The following RBMS3 variants were observed in gnomAD, a reference collection of about 807,000 sequenced individuals.
The protein encoded by RBMS3 is RNA binding motif single stranded interacting protein 3.
RBMS3 carries 27 observed loss-of-function variants against 66.8 expected under a neutral mutation model. The ratio of observed to expected loss-of-function variants is 0.40; its 90% CI spans 0.30 to 0.56. RBMS3 has a LOEUF of 0.56. Ranked by LOEUF, RBMS3 falls within the 20% of genes least tolerant of loss-of-function variation. The probability of loss-of-function intolerance (pLI) is 0.40; values close to 1 mark genes in which losing one functional copy is unlikely to be tolerated. For missense variants in RBMS3, 513 were observed against 549.5 expected (o/e 0.93, Z 0.66); for synonymous variants, 188 against 183.0 (o/e 1.03, Z -0.22).
At chr3:29,898,404 T>G (rs1445413185) in intron 9 of RBMS3, among the ~76,000 whole-genome samples, 4 of 151,638 alleles carry the variant, frequency 2.6e-5, no homozygotes. Context: ...TGAGTAAAAC[T>G]GTAATGATAC....
chr3:29,467,348 A>C (rs552260803), intron 2 of RBMS3, among the ~76,000 whole-genome samples: 28 of 152,308 alleles, frequency 1.8e-4, no homozygotes, highest in Non-Finnish European at 3.5e-4. Context: ...TTGACTCTTA[A>C]CACAAAATTA....
At chr3:29,399,560 G>T (rs1051316223) in intron 1 of RBMS3, among the ~76,000 whole-genome samples, 1 of 152,156 alleles carries the variant, frequency 6.6e-6, no homozygotes, top group Non-Finnish European at 1.5e-5. Flanking sequence ...TTGGCCTCAT[G>T]GTCTCAAAAT....
At chr3:29,376,973 C>T (rs1317059000) in intron 1 of RBMS3, among the ~76,000 whole-genome samples, 2 of 151,950 alleles carry the variant, frequency 1.3e-5, no homozygotes, top group Admixed American at 6.6e-5. Context: ...CCTGTAATCC[C>T]AGCTACTCAG....
chr3:29,501,532 C>G (rs2043973828), intron 3 of RBMS3, among the ~76,000 whole-genome samples: 1 of 152,136 alleles, frequency 6.6e-6, no homozygotes, highest in Admixed American at 6.6e-5. Context: ...GTTAATTTAT[C>G]CGTTTTAGGA....
chr3:29,450,518 T>G (rs778594479), intron 2 of RBMS3, among the ~76,000 whole-genome samples: 7 of 152,222 alleles, frequency 4.6e-5, no homozygotes, highest in Non-Finnish European at 8.8e-5. Context: ...AAGCACACCA[T>G]TAAGTTTTAC....
At chr3:29,744,614 G>A (rs1005263056) in intron 5 of RBMS3, among the ~76,000 whole-genome samples, 5 of 151,992 alleles carry the variant, frequency 3.3e-5, no homozygotes, top group African/African-American at 4.8e-5. Flanking sequence ...AAACCTCATC[G>A]CTACTAAAAA....
At chr3:29,544,251 G>T (rs1414301493) in intron 3 of RBMS3, among the ~76,000 whole-genome samples, 13 of 152,058 alleles carry the variant, frequency 8.5e-5, no homozygotes, top group Non-Finnish European at 1.9e-4. Flanking sequence ...AATGAATAAA[G>T]TAATAGAAAG....
intron 6 of RBMS3, among the ~76,000 whole-genome samples, chr3:29,793,356 C>T (rs9827707): frequency 0.32 from 47,958 of 151,192 alleles, 8,366 homozygotes; most frequent in African/African-American, 0.47. Flanking sequence ...ATTTTTTTTT[C>T]CACTTCTGTA....
At chr3:29,693,031 A>G (rs1486102612) in intron 4 of RBMS3, among the ~76,000 whole-genome samples, 1 of 152,172 alleles carries the variant, frequency 6.6e-6, no homozygotes, top group African/African-American at 2.4e-5. Context: ...AGAAACATAC[A>G]CTGTAACTTA....
chr3:29,507,446 T>C (rs943813565), intron 3 of RBMS3, among the ~76,000 whole-genome samples: 1 of 152,076 alleles, frequency 6.6e-6, no homozygotes, highest in Non-Finnish European at 1.5e-5. Context: ...GGAAAAATTG[T>C]TAAGACTCTG....
At chr3:29,898,709 C>T (rs1166612058) in intron 9 of RBMS3, among the ~76,000 whole-genome samples, 2 of 149,902 alleles carry the variant, frequency 1.3e-5, no homozygotes, top group African/African-American at 4.9e-5. Flanking sequence ...TTTTGTTCTT[C>T]CTGCAGGCCT....
At chr3:29,457,938 T>A (rs1052220790) in intron 2 of RBMS3, among the ~76,000 whole-genome samples, 1 of 150,546 alleles carries the variant, frequency 6.6e-6, no homozygotes, top group Non-Finnish European at 1.5e-5. Flanking sequence ...TAGAGCTTTT[T>A]ATCTTCCCCA....
intron 6 of RBMS3, among the ~76,000 whole-genome samples, chr3:29,775,767 G>T (rs2149402036): frequency 6.6e-6 from 1 of 152,006 alleles, no homozygotes; most frequent in Admixed American, 6.6e-5. Flanking sequence ...TAATAAAAAT[G>T]ATAATAATAT....
chr3:29,915,780 C>G (rs932160886), intron 10 of RBMS3, among the ~76,000 whole-genome samples: 1 of 151,908 alleles, frequency 6.6e-6, no homozygotes, highest in Non-Finnish European at 1.5e-5. Context: ...GACATCTGAA[C>G]CAGTATCAAG....
At chr3:29,732,537 C>T (rs1356464305) in intron 4 of RBMS3, among the ~76,000 whole-genome samples, 2 of 152,130 alleles carry the variant, frequency 1.3e-5, no homozygotes, top group African/African-American at 2.4e-5. Flanking sequence ...ATATATAATA[C>T]TGAAGCAAGT....
chr3:29,555,591 AATC>A (rs2046331331), intron 3 of RBMS3, among the ~76,000 whole-genome samples: 1 of 152,204 alleles, frequency 6.6e-6, no homozygotes, highest in South Asian at 2.1e-4. Context: ...AGGTGCAAGA[AATC>A]AAGCCATCAA....
intron 4 of RBMS3, among the ~76,000 whole-genome samples, chr3:29,620,319 C>T (rs2048822390): frequency 6.6e-6 from 1 of 152,054 alleles, no homozygotes; most frequent in South Asian, 2.1e-4. Flanking sequence ...TTCCAGGTTG[C>T]ATATTCTATG....
At position 29,994,062 on chromosome 3, in the gene RBMS3, G is replaced by A. The variant is rs144620831; in HGVS notation, c.1307+2853G>A. On this transcript the variant is annotated intron_variant, in intron 14 of 14. Transcript: ENST00000383767. The stretch of plus-strand genomic sequence containing the variant: ...GGAGTGCCAGACTGGGCGCAGGTCA[G>A]TGGGTGCATGCACCGTGCGCAAGCC... Among the ~76,000 whole-genome samples the A allele has an allele frequency of 1.2e-3, 179 of 152,260 alleles. 3 individuals carry two copies. The East Asian group carries it at 0.033, about 28-fold the overall frequency.
At chr3:29,774,809 A>G (rs1054681704) in intron 6 of RBMS3, among the ~76,000 whole-genome samples, 1 of 151,772 alleles carries the variant, frequency 6.6e-6, no homozygotes, top group African/African-American at 2.4e-5. Context: ...TTACAAAGCC[A>G]CTCTTCTCTT....
Sources: gnomAD v4.1 joint callset for allele counts (sites outside exome capture counted in the v4.1 genomes callset) on GRCh38, gnomAD v4.1.1 for gene constraint, MANE v1.5 for transcripts, NCBI Gene and HGNC (gene_info 2026-07-23, HGNC 2026-07-21) for gene names.